Variants in ITSN1 observed in about 807,000 individuals in gnomAD.
ITSN1 encodes the protein intersectin-1.
In ITSN1, 58 loss-of-function variants were observed where a neutral mutation model predicts 239.8. The observed-to-expected ratio is 0.24, with a 90% CI of 0.20 to 0.30. The LOEUF (loss-of-function observed/expected upper bound fraction) is 0.30. ITSN1 is among the 10% of genes least tolerant of loss of function. The pLI is 1.00. For missense variants in ITSN1, 1,558 were observed against 2,103.3 expected (o/e 0.74, Z 5.07); for synonymous variants, 780 against 770.8 (o/e 1.01, Z -0.20).
chr21:33,877,875 A>G (rs1166958001), intron 34 of ITSN1, among the ~76,000 whole-genome samples: 1 of 139,500 alleles, frequency 7.2e-6, no homozygotes, highest in Non-Finnish European at 1.5e-5. Context: ...GTTTTCTTGG[A>G]GTTAAAAAGT....
intron 16 of ITSN1, among the ~76,000 whole-genome samples, chr21:33,784,319 A>ACACACG (rs2147920914): frequency 9.5e-6 from 1 of 105,550 alleles, no homozygotes; most frequent in African/African-American, 3.5e-5. Flanking sequence ...AAACACACAC[A>ACACACG]CACACACACA....
In ITSN1 at chr21:33,897,531, A is replaced by G. The variant is rs1986853603; in HGVS notation, c.*9231A>G. On this transcript the variant is annotated 3_prime_UTR_variant, in exon 40 of 40. Coordinates refer to ENST00000381318, the MANE Select transcript of ITSN1 (RefSeq NM_003024.3). ...TAAGAAAAAGGCGAACTCCCACTAT[A>G]TAAAGGGAAAAGGTTGTATTCATTT... 6.6e-6 allele frequency: 1 copy of G among 152,246 alleles called. No individual in the cohort carries two copies. Among genetic ancestry groups the G allele is most frequent in the Non-Finnish European group, 1.5e-5 (1 of 68,040 alleles). The allele number at this position is 152,246 out of a possible 1,614,324, so 9.4% of individuals were successfully genotyped here.
At chr21:33,677,774 A>G (rs1166405121) in intron 1 of ITSN1, among the ~76,000 whole-genome samples, 3 of 152,154 alleles carry the variant, frequency 2.0e-5, no homozygotes, top group African/African-American at 7.2e-5. Flanking sequence ...CCGCTCTTCC[A>G]CCACTTTATA....
Position 33,755,297 on chromosome 21 carries a change from T to C in ITSN1, c.624T>C (p.Ser208=), listed in dbSNP as rs749345457. ...LQKAQSFDVA[S]VPPVAEWAVP... ...TCTCTCCTTTTTCTTTTCCCCACAG[T>C]GTCCCACCAGTGGCAGAGTGGGCTG... The change falls in exon 8 of 40, where the codon AGT becomes AGC. Residue 208 remains serine (S), a splice_region_variant and synonymous_variant. Coordinates refer to ENST00000381318, the MANE Select transcript of ITSN1 (RefSeq NM_003024.3). 5 of 1,585,530 alleles carry C rather than the reference T, an allele frequency of 3.2e-6. No individual in the cohort carries two copies. The highest frequency in any genetic ancestry group is 1.7e-5 in the Admixed American group (1 of 58,336).
At chr21:33,822,603 A>T (rs907588255) in intron 24 of ITSN1, among the ~76,000 whole-genome samples, 6 of 152,242 alleles carry the variant, frequency 3.9e-5, no homozygotes, top group Admixed American at 3.3e-4. Flanking sequence ...AATAAAATCC[A>T]CCAAGAGTGA....
Position 33,645,375 on chromosome 21 carries a change from G to C in ITSN1, c.-33+2662G>C, listed in dbSNP as rs556989145. 4.3e-4 allele frequency among the ~76,000 whole-genome samples: 65 copies of C among 152,248 alleles called. 2 individuals are homozygous for C. The South Asian group carries it at 0.013, about 32-fold the overall frequency. Reference sequence around the variant, plus strand: ...AAAAATATAGGTTTTGGGCATGGTGGATCAAACTTGTAATCCCAACACTTT... The same window carrying C: ...AAAAATATAGGTTTTGGGCATGGTGCATCAAACTTGTAATCCCAACACTTT... On this transcript the variant is annotated intron_variant, in intron 1 of 39. Coordinates refer to ENST00000381318, the MANE Select transcript of ITSN1 (RefSeq NM_003024.3).
rs1160314187 is a variant in ITSN1, at chr21:33,690,775, G to GTATATATATA, written c.-32-28017_-32-28008dup. On this transcript the variant is annotated intron_variant, in intron 1 of 39. Coordinates refer to ENST00000381318, the MANE Select transcript of ITSN1 (RefSeq NM_003024.3). The stretch of plus-strand genomic sequence containing the variant: ...GGCTCTGCCTCAGAAAAAAAAAAGT[G>GTATATATATA]TATATATATATATACATATATATAT... Among the ~76,000 whole-genome samples the GTATATATATA allele has an allele frequency of 1.8e-4, 4 of 21,622 alleles. 1 individual carries two copies. Among genetic ancestry groups the GTATATATATA allele is most frequent in the Non-Finnish European group, 2.8e-4 (3 of 10,678 alleles). The allele number at this position is 21,622 out of a possible 152,430, so 14.2% of individuals were successfully genotyped here.
At chr21:33,744,691 A>T (rs1011971770) in intron 5 of ITSN1, among the ~76,000 whole-genome samples, 2 of 152,204 alleles carry the variant, frequency 1.3e-5, no homozygotes, top group Admixed American at 6.5e-5. Flanking sequence ...ATCAAAGCAT[A>T]GTAGGAGGAT....
chr21:33,644,827 C>CTT (rs11380708), intron 1 of ITSN1, among the ~76,000 whole-genome samples: 23 of 147,616 alleles, frequency 1.6e-4, no homozygotes, highest in Admixed American at 2.7e-4. Flanking sequence ...AATTCCTTTC[C>CTT]TTTTTTTTTT....
intron 34 of ITSN1, among the ~76,000 whole-genome samples, chr21:33,878,008 T>TGTGTGTG (rs1984262078): frequency 7.1e-6 from 1 of 140,230 alleles, no homozygotes; most frequent in Non-Finnish European, 1.5e-5. Context: ...CTCTCTCTCT[T>TGTGTGTG]TGTGTGTGTG....
intron 11 of ITSN1, among the ~76,000 whole-genome samples, chr21:33,771,116 A>G (rs1569143491): frequency 6.6e-6 from 1 of 152,190 alleles, no homozygotes; most frequent in Non-Finnish European, 1.5e-5. Context: ...CTCCTCTGAA[A>G]TCACCAAAGG....
At chr21:33,717,777 T>C (rs9982926) in intron 1 of ITSN1, among the ~76,000 whole-genome samples, 1,778 of 152,028 alleles carry the variant, frequency 0.012, 29 homozygotes, top group African/African-American at 0.038. Context: ...CCGTGTTAGC[T>C]AGGATGGTCT....
At chr21:33,675,137 A>T (rs2090514895) in intron 1 of ITSN1, among the ~76,000 whole-genome samples, 1 of 152,140 alleles carries the variant, frequency 6.6e-6, no homozygotes, top group South Asian at 2.1e-4. Flanking sequence ...ATTAGATGTA[A>T]TTCTGAAGCA....
chr21:33,665,601 A>T (rs2089879317), intron 1 of ITSN1, among the ~76,000 whole-genome samples: 1 of 152,120 alleles, frequency 6.6e-6, no homozygotes. Flanking sequence ...AGATAGATAC[A>T]GAGTTATATG....
chr21:33,832,507 T>C (rs1038152798), intron 27 of ITSN1, among the ~76,000 whole-genome samples: 4 of 152,216 alleles, frequency 2.6e-5, no homozygotes, highest in Admixed American at 2.0e-4. Context: ...TGAGTTGCCA[T>C]GACCCAGGAG....
At chr21:33,751,991 T>G in intron 7 of ITSN1, 85 bp downstream of exon 7, 1 of 907,254 alleles carries the variant, frequency 1.1e-6, no homozygotes. Flanking sequence ...TCATCTATAT[T>G]CTTTTTGTTG....
intron 1 of ITSN1, among the ~76,000 whole-genome samples, chr21:33,713,158 G>A (rs1466551724): frequency 6.6e-6 from 1 of 152,176 alleles, no homozygotes; most frequent in African/African-American, 2.4e-5. Flanking sequence ...GATTCCAGGT[G>A]GGAGCCACCG....
chr21:33,836,913 C>G, intron 29 of ITSN1: 1 of 1,296,430 alleles, frequency 7.7e-7, no homozygotes, highest in African/African-American at 1.5e-5. Flanking sequence ...GTTTACATGC[C>G]TGACTCATTT....
chr21:33,803,608 A>C (rs1171465202), intron 20 of ITSN1, among the ~76,000 whole-genome samples: 1 of 152,234 alleles, frequency 6.6e-6, no homozygotes, highest in African/African-American at 2.4e-5. Flanking sequence ...ATGTATAGTT[A>C]ACAGTTTTGA....
Sources: gnomAD v4.1 joint callset for allele counts (sites outside exome capture counted in the v4.1 genomes callset) on GRCh38, gnomAD v4.1.1 for gene constraint, MANE v1.5 for transcripts, NCBI Gene and HGNC (gene_info 2026-07-23, HGNC 2026-07-21) for gene names.